Variants in SAMD12 observed in about 807,000 individuals in gnomAD.
The protein encoded by SAMD12 is sterile alpha motif domain containing 12.
Under a neutral mutation model 15.0 loss-of-function variants are expected in SAMD12, and 9 were observed. The ratio of observed to expected loss-of-function variants is 0.60; its 90% CI spans 0.36 to 1.05. The LOEUF is 1.05. Among genes scored for constraint, SAMD12 ranks in the 50% least tolerant of loss-of-function variants. The probability of loss-of-function intolerance (pLI) is 0.01; values close to 1 mark genes in which losing one functional copy is unlikely to be tolerated. For synonymous variants in SAMD12, 86 were observed against 90.1 expected, an observed-to-expected ratio of 0.96 and a Z score of 0.25; for missense variants, 230 against 234.2, an observed-to-expected ratio of 0.98 and a Z score of 0.12.
intron 4 of SAMD12, among the ~76,000 whole-genome samples, chr8:118,283,370 C>T (rs1463088602): frequency 6.6e-6 from 1 of 152,062 alleles, no homozygotes; most frequent in African/African-American, 2.4e-5. Flanking sequence ...GATATAAAAC[C>T]CAAGGCAACA....
At chr8:118,372,284 A>G (rs569867001) in intron 4 of SAMD12, among the ~76,000 whole-genome samples, 1 of 152,292 alleles carries the variant, frequency 6.6e-6, no homozygotes, top group East Asian at 1.9e-4. Context: ...TGCCTGGTCA[A>G]TAGATACTGA....
At chr8:118,283,447 C>T (rs1037715199) in intron 4 of SAMD12, among the ~76,000 whole-genome samples, 2 of 152,168 alleles carry the variant, frequency 1.3e-5, no homozygotes, top group South Asian at 4.1e-4. Context: ...ATATTCCATT[C>T]CTTGCTGCCA....
At chr8:118,310,827 T>G (rs1267046408) in intron 4 of SAMD12, among the ~76,000 whole-genome samples, 1 of 152,194 alleles carries the variant, frequency 6.6e-6, no homozygotes, top group Non-Finnish European at 1.5e-5. Flanking sequence ...AAATAACTCA[T>G]GTGGTTTCTA....
the SAMD12 span, among the ~76,000 whole-genome samples, chr8:118,163,908 CAAAACAAAAA>C: frequency 1.2e-4 from 10 of 85,098 alleles, no homozygotes; most frequent in Admixed American, 1.1e-3. Context: ...CAAAACAAAA[CAAAACAAAAA>C]AACAAACCTG....
chr8:118,330,337 A>C (rs556205768), intron 4 of SAMD12, among the ~76,000 whole-genome samples: 9 of 152,208 alleles, frequency 5.9e-5, no homozygotes, highest in Non-Finnish European at 8.8e-5. Flanking sequence ...GCTCTTCTCC[A>C]TGTTCCTTGG....
chr8:118,540,782 A>G (rs367812730), intron 2 of SAMD12, among the ~76,000 whole-genome samples: 4 of 152,278 alleles, frequency 2.6e-5, no homozygotes, highest in African/African-American at 9.6e-5. Flanking sequence ...AAGATTGGGT[A>G]GGAGCCAAAT....
At chr8:118,181,053 T>A in the SAMD12 span, among the ~76,000 whole-genome samples, 4,504 of 148,642 alleles carry the variant, frequency 0.03, 88 homozygotes, top group South Asian at 0.076. Flanking sequence ...TTGTATTAAA[T>A]TTTTTTTTTT....
At chr8:118,493,850 T>C (rs1010458168) in intron 2 of SAMD12, among the ~76,000 whole-genome samples, 1 of 152,158 alleles carries the variant, frequency 6.6e-6, no homozygotes, top group Non-Finnish European at 1.5e-5. Flanking sequence ...GACTGAACCC[T>C]GGCATCACCC....
intron 2 of SAMD12, among the ~76,000 whole-genome samples, chr8:118,530,927 G>T (rs910661888): frequency 6.6e-6 from 1 of 152,146 alleles, no homozygotes; most frequent in Non-Finnish European, 1.5e-5. Flanking sequence ...CAGCATTCTT[G>T]AACTCCTGGG....
rs1418897771 is a variant in SAMD12, at chr8:118,262,848, A to G, written c.434-65116T>C. Among the ~76,000 whole-genome samples the G allele has an allele frequency of 5.7e-4, 86 of 152,058 alleles. 1 individual carries two copies. The highest frequency in any genetic ancestry group is 7.4e-5 in the Non-Finnish European group (5 of 67,982). On this transcript the variant is annotated intron_variant, in intron 4 of 4. Coordinates refer to the SAMD12 transcript ENST00000409003. ...AGGTTTTAATAGGCTTCTAGAATAG[A>G]GCTCAGTTGTTATGAGTATTTTCTA...
At chr8:118,213,828 C>T (rs1811894310) in intron 4 of SAMD12, among the ~76,000 whole-genome samples, 1 of 152,092 alleles carries the variant, frequency 6.6e-6, no homozygotes, top group Admixed American at 6.5e-5. Context: ...TTATGGAGCT[C>T]CTAAAGTCTT....
chr8:118,538,799 G>A (rs532875466), intron 2 of SAMD12, among the ~76,000 whole-genome samples: 5 of 152,300 alleles, frequency 3.3e-5, no homozygotes, highest in African/African-American at 1.2e-4. Flanking sequence ...GTTCCTGCAG[G>A]AAGGATAATT....
chr8:118,304,633 G>A (rs920986061), intron 4 of SAMD12, among the ~76,000 whole-genome samples: 14 of 151,984 alleles, frequency 9.2e-5, no homozygotes, highest in Admixed American at 3.3e-4. Context: ...GGTGGTGTGC[G>A]CCTGTAGTCC....
chr8:118,456,644 T>C (rs1282698974), intron 2 of SAMD12, among the ~76,000 whole-genome samples: 1 of 152,208 alleles, frequency 6.6e-6, no homozygotes, highest in Non-Finnish European at 1.5e-5. Flanking sequence ...GTGAGCAACT[T>C]AAAAAGCCCA....
intron 3 of SAMD12, among the ~76,000 whole-genome samples, chr8:118,405,542 C>T (rs750097688): frequency 3.3e-5 from 5 of 152,116 alleles, no homozygotes; most frequent in Non-Finnish European, 5.9e-5. Flanking sequence ...ACATGGGAGC[C>T]GCTGGGGTTC....
chr8:118,354,520 A>G (rs1042902884), intron 4 of SAMD12, among the ~76,000 whole-genome samples: 1 of 152,116 alleles, frequency 6.6e-6, no homozygotes, highest in African/African-American at 2.4e-5. Context: ...TGGAGTCCAC[A>G]CCATCCCTCC....
chr8:118,304,373 G>T (rs1288938967), intron 4 of SAMD12, among the ~76,000 whole-genome samples: 1 of 152,134 alleles, frequency 6.6e-6, no homozygotes, highest in African/African-American at 2.4e-5. Flanking sequence ...CCACTGTTTT[G>T]TCCATTAGTC....
intron 2 of SAMD12, among the ~76,000 whole-genome samples, chr8:118,545,383 C>A (rs1826095829): frequency 6.6e-6 from 1 of 152,164 alleles, no homozygotes; most frequent in Admixed American, 6.5e-5. Context: ...AGGAGAATCG[C>A]TTGAGCCTGG....
chr8:118,564,187 C>A (rs1197278224), intron 2 of SAMD12, among the ~76,000 whole-genome samples: 1 of 151,820 alleles, frequency 6.6e-6, no homozygotes, highest in East Asian at 1.9e-4. Flanking sequence ...TACCCATCCC[C>A]CCCTCACCCC....
Sources: gnomAD v4.1 joint callset for allele counts (sites outside exome capture counted in the v4.1 genomes callset) on GRCh38, gnomAD v4.1.1 for gene constraint, MANE v1.5 for transcripts, NCBI Gene and HGNC (gene_info 2026-07-23, HGNC 2026-07-21) for gene names.